Variants in WDPCP observed in about 807,000 individuals in gnomAD.
WDPCP encodes the protein WD repeat-containing and planar cell polarity effector protein fritz homolog.
Under a neutral mutation model 93.1 loss-of-function variants are expected in WDPCP, and 71 were observed. The ratio of observed to expected loss-of-function variants is 0.76; its 90% CI spans 0.63 to 0.93. The LOEUF is 0.93. Among genes scored for constraint, WDPCP ranks in the 40% least tolerant of loss-of-function variants. WDPCP has a pLI of 0.00. For missense variants in WDPCP, 844 were observed against 887.4 expected, an observed-to-expected ratio of 0.95 and a Z score of 0.62; for synonymous variants, 315 against 315.0, an observed-to-expected ratio of 1.00 and a Z score of 0.00.
intron 3 of WDPCP, among the ~76,000 whole-genome samples, chr2:63,650,503 TTA>T (rs996503208): frequency 6.6e-6 from 1 of 152,232 alleles, no homozygotes; most frequent in Non-Finnish European, 1.5e-5. Flanking sequence ...TTTACTTGTC[TTA>T]TATGATCCAT....
intron 3 of WDPCP, among the ~76,000 whole-genome samples, chr2:63,614,479 C>T (rs1709651384): frequency 6.6e-6 from 1 of 152,170 alleles, no homozygotes; most frequent in African/African-American, 2.4e-5. Flanking sequence ...GGGCTCAGAA[C>T]ACAACAGCCC....
chr2:63,385,798 T>C (rs1405006510), intron 10 of WDPCP, among the ~76,000 whole-genome samples: 1 of 151,740 alleles, frequency 6.6e-6, no homozygotes, highest in Non-Finnish European at 1.5e-5. Context: ...GTCAAAATAA[T>C]AGGAAAAAGA....
intron 13 of WDPCP, among the ~76,000 whole-genome samples, chr2:63,310,288 A>T (rs1311804018): frequency 1.6e-4 from 25 of 152,190 alleles, no homozygotes; most frequent in Non-Finnish European, 3.5e-4. Context: ...GAGAGCTTGG[A>T]GTTGAATCAA....
Position 63,121,898 on chromosome 2 carries a change from A to G in WDPCP, c.*108T>C. On this transcript the variant is annotated 3_prime_UTR_variant, in exon 18 of 18. Transcript: ENST00000272321. ...AACTCAAAACTCTTAACTAATTTAT[A>G]TGATTCATACTGTCTCTTGTTAAAA... The G allele has an allele frequency of 1.9e-6, 3 of 1,539,516 alleles. No individual in the cohort carries two copies. The highest frequency in any genetic ancestry group is 1.7e-6 in the Non-Finnish European group (2 of 1,146,424).
intron 1 of WDPCP, among the ~76,000 whole-genome samples, chr2:63,584,803 G>T (rs1708731374): frequency 6.6e-6 from 1 of 152,058 alleles, no homozygotes; most frequent in African/African-American, 2.4e-5. Context: ...AGGTCACACA[G>T]CTAGGTAGTA....
At chr2:63,707,760 A>G (rs1002801226) in intron 2 of WDPCP, among the ~76,000 whole-genome samples, 37 of 152,174 alleles carry the variant, frequency 2.4e-4, no homozygotes, top group African/African-American at 8.4e-4. Flanking sequence ...TTGTGGTTTT[A>G]TCTACCTTTG....
chr2:63,258,642 A>C (rs1681345943), intron 14 of WDPCP, among the ~76,000 whole-genome samples: 2 of 152,198 alleles, frequency 1.3e-5, no homozygotes, highest in Admixed American at 1.3e-4. Context: ...AGGAATAATA[A>C]ATACTCAGGA....
At chr2:63,195,998 T>C (rs1429950078) in intron 14 of WDPCP, among the ~76,000 whole-genome samples, 1 of 152,230 alleles carries the variant, frequency 6.6e-6, no homozygotes, top group African/African-American at 2.4e-5. Flanking sequence ...GGTTTTTGAG[T>C]ATCTGCTTAA....
intron 2 of WDPCP, among the ~76,000 whole-genome samples, chr2:63,730,689 GGT>G (rs1669549751): frequency 6.6e-6 from 1 of 151,762 alleles, no homozygotes; most frequent in Non-Finnish European, 1.5e-5. Flanking sequence ...TGATCACCGT[GGT>G]AAGGCAAAGT....
intron 11 of WDPCP, among the ~76,000 whole-genome samples, chr2:63,378,903 G>T (rs1173525520): frequency 6.6e-6 from 1 of 152,044 alleles, no homozygotes; most frequent in Non-Finnish European, 1.5e-5. Flanking sequence ...TTCTTCATTG[G>T]GAACTGAAAT....
chr2:63,228,387 C>CTTTTTTTTTTTTTTTTTTTTT, intron 14 of WDPCP: 1 of 110,432 alleles, frequency 9.1e-6, no homozygotes, highest in Non-Finnish European at 1.9e-5. Flanking sequence ...TTTTCTTTTT[C>CTTTTTTTTTTTTTTTTTTTTT]TTTTTTTTTT....
chr2:63,306,203 A>G (rs4632325), intron 13 of WDPCP, among the ~76,000 whole-genome samples: 4 of 152,058 alleles, frequency 2.6e-5, no homozygotes, highest in African/African-American at 9.7e-5. Context: ...GAAGTTGAAT[A>G]CCTGAATAGA....
At chr2:63,369,289 C>T (rs1210075456) in intron 12 of WDPCP, 2 of 400,142 alleles carry the variant, frequency 5.0e-6, no homozygotes, top group South Asian at 1.8e-5. Context: ...GTCTTTTAAT[C>T]CTTGCCAAAC....
upstream of WDPCP, among the ~76,000 whole-genome samples, chr2:63,592,330 C>G (rs183296232): frequency 6.6e-6 from 1 of 152,070 alleles, no homozygotes; most frequent in Admixed American, 6.5e-5. Context: ...GAATAAAATA[C>G]CTTTTGTTTT....
chr2:63,671,286 C>G (rs1344665404), intron 2 of WDPCP, among the ~76,000 whole-genome samples: 1 of 152,196 alleles, frequency 6.6e-6, no homozygotes, highest in Non-Finnish European at 1.5e-5. Context: ...CAGGCTGCTC[C>G]TAGCCAATGA....
intron 12 of WDPCP, among the ~76,000 whole-genome samples, chr2:63,335,470 C>T (rs978636331): frequency 1.3e-5 from 2 of 149,306 alleles, no homozygotes; most frequent in African/African-American, 5.0e-5. Flanking sequence ...GTCACCCAGG[C>T]TGGAGTGCAG....
At chr2:63,388,581 T>A (rs1232973324) in intron 10 of WDPCP, among the ~76,000 whole-genome samples, 2 of 152,108 alleles carry the variant, frequency 1.3e-5, no homozygotes, top group Non-Finnish European at 2.9e-5. Flanking sequence ...CTTCAGAAGG[T>A]TGGTAAGAAC....
chr2:63,279,060 A>G (rs1683306212), intron 13 of WDPCP, among the ~76,000 whole-genome samples: 1 of 152,204 alleles, frequency 6.6e-6, no homozygotes, highest in South Asian at 2.1e-4. Context: ...CAGACATTCA[A>G]AGAATTGGTA....
intron 6 of WDPCP, among the ~76,000 whole-genome samples, chr2:63,451,786 CA>C (rs758109782): frequency 2.6e-5 from 4 of 152,122 alleles, no homozygotes; most frequent in African/African-American, 7.2e-5. Context: ...AAGGCTGGTT[CA>C]ACATATGCAA....
Sources: gnomAD v4.1 joint callset for allele counts (sites outside exome capture counted in the v4.1 genomes callset) on GRCh38, gnomAD v4.1.1 for gene constraint, MANE v1.5 for transcripts, NCBI Gene and HGNC (gene_info 2026-07-23, HGNC 2026-07-21) for gene names.